The following LRRTM4 variants were observed in gnomAD, a reference collection of about 807,000 sequenced individuals.
The protein encoded by LRRTM4 is leucine rich repeat transmembrane neuronal 4, also known as leucine-rich repeat transmembrane neuronal protein 4.
Under a neutral mutation model 47.6 loss-of-function variants are expected in LRRTM4, and 25 were observed. The observed-to-expected ratio is 0.53, with a 90% CI of 0.38 to 0.73. The LOEUF is 0.73. Among genes scored for constraint, LRRTM4 ranks in the 30% least tolerant of loss-of-function variants. The pLI is 0.00. For missense variants in LRRTM4, 638 were observed against 713.4 expected (o/e 0.89, Z 1.20); for synonymous variants, 311 against 269.5 (o/e 1.15, Z -1.51).
intron 3 of LRRTM4, among the ~76,000 whole-genome samples, chr2:77,326,792 A>T (rs1435538197): frequency 6.6e-6 from 1 of 152,158 alleles, no homozygotes; most frequent in Non-Finnish European, 1.5e-5. Context: ...CAGCCAATGA[A>T]TGGAAAGACA....
intron 3 of LRRTM4, among the ~76,000 whole-genome samples, chr2:77,048,625 CTTA>C (rs928734010): frequency 1.5e-4 from 22 of 151,660 alleles, no homozygotes; most frequent in Admixed American, 4.6e-4. Context: ...TTGAATTTTT[CTTA>C]TTATTATTTT....
intron 3 of LRRTM4, among the ~76,000 whole-genome samples, chr2:76,844,945 C>G (rs1364837576): frequency 6.6e-6 from 1 of 151,902 alleles, no homozygotes; most frequent in African/African-American, 2.4e-5. Context: ...TCTGAAAAGC[C>G]TACTCATAGG....
chr2:77,032,705 C>A (rs145795805), intron 3 of LRRTM4, among the ~76,000 whole-genome samples: 1 of 152,090 alleles, frequency 6.6e-6, no homozygotes, highest in Admixed American at 6.6e-5. Flanking sequence ...TCATTATATG[C>A]TGAAAGACTG....
chr2:77,096,276 A>G (rs1670810274), intron 3 of LRRTM4, among the ~76,000 whole-genome samples: 1 of 151,862 alleles, frequency 6.6e-6, no homozygotes, highest in African/African-American at 2.4e-5. Flanking sequence ...TGCCTTCAAA[A>G]TTTTGGAAAA....
intron 3 of LRRTM4, among the ~76,000 whole-genome samples, chr2:77,243,181 G>T (rs985385476): frequency 6.6e-6 from 1 of 152,124 alleles, no homozygotes; most frequent in Admixed American, 6.5e-5. Context: ...GGGAGGCCGA[G>T]GCGGGTGGAT....
chr2:77,457,509 G>C (rs182395037), intron 3 of LRRTM4, among the ~76,000 whole-genome samples: 1 of 151,910 alleles, frequency 6.6e-6, no homozygotes, highest in African/African-American at 2.4e-5. Flanking sequence ...TTTCCATACA[G>C]CAGTCAGAAT....
At chr2:77,059,198 T>C (rs983331693) in intron 3 of LRRTM4, among the ~76,000 whole-genome samples, 3 of 152,190 alleles carry the variant, frequency 2.0e-5, no homozygotes, top group Non-Finnish European at 4.4e-5. Flanking sequence ...ACTAACAACC[T>C]GAAAGAATAC....
intron 3 of LRRTM4, among the ~76,000 whole-genome samples, chr2:77,374,159 G>A (rs1025521556): frequency 2.0e-5 from 3 of 151,744 alleles, no homozygotes; most frequent in Non-Finnish European, 2.9e-5. Context: ...AGGAAGATGC[G>A]AAGATGTGAT....
intron 3 of LRRTM4, among the ~76,000 whole-genome samples, chr2:76,827,104 G>C (rs1671211045): frequency 6.6e-6 from 1 of 151,836 alleles, no homozygotes; most frequent in Non-Finnish European, 1.5e-5. Flanking sequence ...AGTGGTTTCT[G>C]ATTTTGACTT....
intron 3 of LRRTM4, among the ~76,000 whole-genome samples, chr2:76,932,962 T>G (rs1335770558): frequency 6.6e-6 from 1 of 152,118 alleles, no homozygotes; most frequent in African/African-American, 2.4e-5. Context: ...GTCATCTACA[T>G]TAGGTATGAA....
chr2:76,932,931 G>A (rs1228999919), intron 3 of LRRTM4, among the ~76,000 whole-genome samples: 5 of 152,032 alleles, frequency 3.3e-5, no homozygotes, highest in African/African-American at 1.2e-4. Context: ...TGCCATGGTG[G>A]TTTGCTGTAC....
intron 3 of LRRTM4, among the ~76,000 whole-genome samples, chr2:76,935,251 C>G (rs551287710): frequency 2.0e-5 from 3 of 152,188 alleles, no homozygotes; most frequent in African/African-American, 7.2e-5. Context: ...CTTTGCTACT[C>G]TAGCCTCGTA....
chr2:76,755,538 C>CA (rs1408579704), intron 3 of LRRTM4, among the ~76,000 whole-genome samples: 2 of 151,932 alleles, frequency 1.3e-5, no homozygotes, highest in African/African-American at 4.8e-5. Flanking sequence ...ATATACTAAA[C>CA]AAAAAATGTT....
Position 77,309,720 on chromosome 2 carries a change from TAGATA to T in LRRTM4, c.1551+208593_1551+208597del, listed in dbSNP as rs1193555690. 4.0e-5 allele frequency among the ~76,000 whole-genome samples: 6 copies of T among 150,880 alleles called. No homozygotes were observed. The East Asian group carries it at 1.2e-3, about 29-fold the overall frequency. On this transcript the variant is annotated intron_variant, in intron 3 of 3. Transcript: ENST00000409884. ...ATAGATAGATAGATAGATAGATAGA[TAGATA>T]GATAGATATAACAAAAGGCTAAAAG...
chr2:76,818,521 T>G (rs1023451220), intron 3 of LRRTM4, among the ~76,000 whole-genome samples: 2 of 151,840 alleles, frequency 1.3e-5, no homozygotes, highest in African/African-American at 4.8e-5. Context: ...TATTACACAT[T>G]GAAAGAACTG....
chr2:76,811,276 G>GA (rs1231523890), intron 3 of LRRTM4, among the ~76,000 whole-genome samples: 3 of 152,136 alleles, frequency 2.0e-5, no homozygotes, highest in Non-Finnish European at 4.4e-5. Context: ...TCTTAGCAGA[G>GA]AAAAAATAAA....
At chr2:76,918,953 C>T (rs1305561417) in intron 3 of LRRTM4, among the ~76,000 whole-genome samples, 1 of 152,168 alleles carries the variant, frequency 6.6e-6, no homozygotes, top group African/African-American at 2.4e-5. Context: ...AGCTGATATG[C>T]TCCTGGTTAC....
intron 3 of LRRTM4, among the ~76,000 whole-genome samples, chr2:76,898,055 T>G (rs1290469923): frequency 2.0e-5 from 3 of 152,162 alleles, no homozygotes; most frequent in African/African-American, 7.2e-5. Flanking sequence ...CTATTAGAGT[T>G]TCTCTTTAGA....
At chr2:77,181,060 TG>T (rs1361876570) in intron 3 of LRRTM4, among the ~76,000 whole-genome samples, 1 of 152,162 alleles carries the variant, frequency 6.6e-6, no homozygotes, top group African/African-American at 2.4e-5. Context: ...TACTTACAAA[TG>T]ACTTTACCAA....
Sources: allele counts gnomAD v4.1 joint callset (sites outside exome capture counted in the v4.1 genomes callset), GRCh38; gene constraint gnomAD v4.1.1; transcripts MANE v1.5; gene names NCBI Gene and HGNC (gene_info 2026-07-23, HGNC 2026-07-21).